Variants in SLC4A5 observed in about 807,000 individuals in gnomAD.
SLC4A5 encodes the protein solute carrier family 4 member 5.
In SLC4A5, 96 loss-of-function variants were observed where a neutral mutation model predicts 120.4. That is an observed-to-expected ratio of 0.80 (90% confidence interval 0.68 to 0.94). The LOEUF (loss-of-function observed/expected upper bound fraction) is 0.94, where lower values mean the gene tolerates loss of function less well. Among genes scored for constraint, SLC4A5 ranks in the 40% least tolerant of loss-of-function variants. The pLI is 0.00. For missense variants in SLC4A5, 1,259 were observed against 1,459.5 expected (o/e 0.86, Z 2.24); for synonymous variants, 550 against 571.1 (o/e 0.96, Z 0.53).
At chr2:74,245,212 G>C (rs1203870267) in intron 19 of SLC4A5, among the ~76,000 whole-genome samples, 1 of 152,158 alleles carries the variant, frequency 6.6e-6, no homozygotes. Flanking sequence ...CCAGCTACTT[G>C]GGAGGCTGAG....
intron 7 of SLC4A5, among the ~76,000 whole-genome samples, chr2:74,292,124 T>G (rs1672193490): frequency 6.6e-6 from 1 of 152,136 alleles, no homozygotes; most frequent in Non-Finnish European, 1.5e-5. Context: ...CCCCCCTCAC[T>G]GGACTGTGGC....
At chr2:74,330,784 G>A (rs935330052) in intron 4 of SLC4A5, among the ~76,000 whole-genome samples, 1 of 147,732 alleles carries the variant, frequency 6.8e-6, no homozygotes, top group Non-Finnish European at 1.5e-5. Flanking sequence ...GAGGTGGTGA[G>A]GTCTAGATGG....
At chr2:74,335,563 G>A (rs1295799796) in intron 3 of SLC4A5, among the ~76,000 whole-genome samples, 5 of 152,328 alleles carry the variant, frequency 3.3e-5, no homozygotes, top group African/African-American at 1.2e-4. Flanking sequence ...CTCTCAGAGC[G>A]TATGTCACTG....
intron 28 of SLC4A5, among the ~76,000 whole-genome samples, chr2:74,224,025 A>G (rs1311767902): frequency 6.6e-6 from 1 of 152,240 alleles, no homozygotes; most frequent in Non-Finnish European, 1.5e-5. Flanking sequence ...GCAGCTTAGC[A>G]TATCAGAAAC....
chr2:74,335,549 C>G (rs1344906568), intron 3 of SLC4A5, among the ~76,000 whole-genome samples: 1 of 152,202 alleles, frequency 6.6e-6, no homozygotes, highest in Non-Finnish European at 1.5e-5. Flanking sequence ...GCCCCTGTGC[C>G]TCTCTCTCAG....
intron 12 of SLC4A5, among the ~76,000 whole-genome samples, chr2:74,256,569 G>A (rs755106046): frequency 1.3e-5 from 2 of 152,140 alleles, no homozygotes; most frequent in African/African-American, 2.4e-5. Context: ...CAGTCTCTCT[G>A]GCTAGTGTCA....
intron 7 of SLC4A5, among the ~76,000 whole-genome samples, chr2:74,298,484 A>G: frequency 6.6e-6 from 1 of 152,234 alleles, no homozygotes; most frequent in East Asian, 1.9e-4. Context: ...GGAAAACAGG[A>G]GAAAAGTTGT....
chr2:74,260,257 G>T (rs1282278489), intron 11 of SLC4A5, among the ~76,000 whole-genome samples: 1 of 152,088 alleles, frequency 6.6e-6, no homozygotes, highest in South Asian at 2.1e-4. Context: ...ATCGTGTCTC[G>T]GCTATTGGCC....
chr2:74,297,367 T>G (rs1672361327), intron 7 of SLC4A5, among the ~76,000 whole-genome samples: 1 of 152,156 alleles, frequency 6.6e-6, no homozygotes, highest in Non-Finnish European at 1.5e-5. Flanking sequence ...CTAGGACCGA[T>G]CTGGTTTTAG....
chr2:74,308,053 G>A (rs551772455), intron 6 of SLC4A5: 4 of 499,612 alleles, frequency 8.0e-6, no homozygotes, highest in Non-Finnish European at 1.6e-5. Context: ...AGGCTTTGCT[G>A]ATGACCTCAT....
chr2:74,219,217 GTGTT>G (rs139870728), intron 30 of SLC4A5, among the ~76,000 whole-genome samples: 6,330 of 105,980 alleles, frequency 0.06, 146 homozygotes, highest in African/African-American at 0.1. Flanking sequence ...GTGTGTGTGT[GTGTT>G]TGTGTGTGTT....
chr2:74,285,994 G>A, intron 7 of SLC4A5, 92 bp from the exon 8 acceptor site: 1 of 1,395,832 alleles, frequency 7.2e-7, no homozygotes, highest in Non-Finnish European at 9.5e-7. Context: ...GCAAGCACAA[G>A]GGAAAAGTAT....
chr2:74,271,038 C>T (rs115637935), intron 8 of SLC4A5, among the ~76,000 whole-genome samples: 132 of 152,280 alleles, frequency 8.7e-4, no homozygotes, highest in African/African-American at 2.9e-3. Context: ...CACCAGTGTG[C>T]CTCAAACTCT....
chr2:74,320,142 A>G (rs1358734566), intron 5 of SLC4A5, among the ~76,000 whole-genome samples: 1 of 152,156 alleles, frequency 6.6e-6, no homozygotes, highest in East Asian at 1.9e-4. Flanking sequence ...TGACAAAACA[A>G]GAAAACCAGA....
intron 26 of SLC4A5, 178 bp downstream of exon 26, chr2:74,227,632 C>G: frequency 7.6e-7 from 1 of 1,322,486 alleles, no homozygotes; most frequent in Non-Finnish European, 1.1e-6. Context: ...AAGTGCCTAA[C>G]ATATTTATTT....
chr2:74,314,411 G>A (rs138333495), intron 6 of SLC4A5, among the ~76,000 whole-genome samples: 2 of 152,168 alleles, frequency 1.3e-5, no homozygotes, highest in Non-Finnish European at 2.9e-5. Flanking sequence ...GAGCCTCTAG[G>A]TGGGCAGCGA....
intron 10 of SLC4A5, among the ~76,000 whole-genome samples, chr2:74,263,071 G>T (rs1340371114): frequency 6.6e-6 from 1 of 152,158 alleles, no homozygotes; most frequent in African/African-American, 2.4e-5. Flanking sequence ...ACAAGGACTT[G>T]CTCTGTTGCC....
intron 6 of SLC4A5, among the ~76,000 whole-genome samples, chr2:74,308,345 A>C (rs765725011): frequency 8.5e-5 from 13 of 152,248 alleles, no homozygotes; most frequent in Non-Finnish European, 1.6e-4. Context: ...TCCCACCAGC[A>C]ATGGAAGAGC....
chr2:74,316,321 TAAAA>T (rs60481743), intron 5 of SLC4A5, among the ~76,000 whole-genome samples: 83 of 51,186 alleles, frequency 1.6e-3, no homozygotes, highest in African/African-American at 3.7e-3. Flanking sequence ...AAAAGAGTTG[TAAAA>T]AAAAAAAAAA....
Sources: allele counts gnomAD v4.1 joint callset (sites outside exome capture counted in the v4.1 genomes callset), GRCh38; gene constraint gnomAD v4.1.1; transcripts MANE v1.5; gene names NCBI Gene and HGNC (gene_info 2026-07-23, HGNC 2026-07-21).